SGCZ: variants seen among roughly 807,000 people sequenced by gnomAD.
The protein encoded by SGCZ is zeta-sarcoglycan.
Under a neutral mutation model 41.3 loss-of-function variants are expected in SGCZ, and 40 were observed. The observed-to-expected ratio is 0.97, with a 90% confidence interval of 0.75 to 1.26. The LOEUF is 1.26. Among genes scored for constraint, SGCZ ranks in the 50% most tolerant of loss-of-function variants. The probability of loss-of-function intolerance (pLI) is 0.00; values close to 1 mark genes in which losing one functional copy is unlikely to be tolerated. For synonymous variants in SGCZ, 206 were observed against 137.5 expected, an observed-to-expected ratio of 1.50 and a Z score of -3.49; for missense variants, 552 against 369.8, an observed-to-expected ratio of 1.49 and a Z score of -4.04.
intron 1 of SGCZ, among the ~76,000 whole-genome samples, chr8:14,897,336 C>A (rs898575528): frequency 6.6e-6 from 1 of 152,136 alleles, no homozygotes; most frequent in Non-Finnish European, 1.5e-5. Context: ...AAAGTGAAAG[C>A]ACTGCTTAAG....
chr8:14,218,125 TATA>T (rs1297781551), intron 4 of SGCZ, among the ~76,000 whole-genome samples: 1 of 152,176 alleles, frequency 6.6e-6, no homozygotes, highest in Non-Finnish European at 1.5e-5. Flanking sequence ...CCCTAGGCAG[TATA>T]ATAAGGCAAA....
At chr8:15,192,494 C>G (rs1451901040) in intron 1 of SGCZ, among the ~76,000 whole-genome samples, 1 of 152,120 alleles carries the variant, frequency 6.6e-6, no homozygotes, top group Non-Finnish European at 1.5e-5. Context: ...GTCATTGTAA[C>G]TGAGCATCAG....
At chr8:14,092,116 T>C (rs889338457) in intron 7 of SGCZ, among the ~76,000 whole-genome samples, 13 of 152,114 alleles carry the variant, frequency 8.5e-5, no homozygotes, top group African/African-American at 2.9e-4. Context: ...TTGTGAAAGT[T>C]CAGATGGTTG....
intron 3 of SGCZ, among the ~76,000 whole-genome samples, chr8:14,285,653 G>C (rs2116929937): frequency 6.6e-6 from 1 of 152,070 alleles, no homozygotes; most frequent in East Asian, 1.9e-4. Context: ...TATAAGAGAG[G>C]AAACAAAGAA....
chr8:14,134,829 C>T (rs575494928), intron 5 of SGCZ, among the ~76,000 whole-genome samples: 13 of 151,388 alleles, frequency 8.6e-5, no homozygotes, highest in Non-Finnish European at 1.8e-4. Flanking sequence ...CTGTTGTTGC[C>T]TGGCTTGTGA....
chr8:14,841,919 G>A (rs1802929455), intron 1 of SGCZ, among the ~76,000 whole-genome samples: 1 of 152,070 alleles, frequency 6.6e-6, no homozygotes, highest in African/African-American at 2.4e-5. Context: ...CTCTTCACAT[G>A]GATTTGGCTT....
intron 1 of SGCZ, among the ~76,000 whole-genome samples, chr8:15,093,785 A>C (rs1309268053): frequency 6.6e-6 from 1 of 152,228 alleles, no homozygotes; most frequent in Non-Finnish European, 1.5e-5. Context: ...AATTGACACA[A>C]GAAGTTCCAG....
chr8:14,774,697 G>T (rs1585249584), intron 1 of SGCZ, among the ~76,000 whole-genome samples: 1 of 152,192 alleles, frequency 6.6e-6, no homozygotes, highest in South Asian at 2.1e-4. Flanking sequence ...AAGTATTTAA[G>T]AAATCGCTAG....
At chr8:14,710,747 C>T (rs1163146409) in intron 1 of SGCZ, among the ~76,000 whole-genome samples, 2 of 152,044 alleles carry the variant, frequency 1.3e-5, no homozygotes, top group Non-Finnish European at 2.9e-5. Context: ...CAAAAAAATA[C>T]TAATTGTAAC....
intron 1 of SGCZ, among the ~76,000 whole-genome samples, chr8:14,631,945 G>T (rs548134795): frequency 2.0e-5 from 3 of 152,036 alleles, no homozygotes; most frequent in Admixed American, 2.0e-4. Flanking sequence ...ATATTTGTTG[G>T]GTACCACATA....
At chr8:14,489,550 A>G (rs781145179) in intron 2 of SGCZ, among the ~76,000 whole-genome samples, 8 of 152,026 alleles carry the variant, frequency 5.3e-5, no homozygotes, top group Non-Finnish European at 1.2e-4. Flanking sequence ...AAAAAGGGAG[A>G]TGGTCTGGCT....
At chr8:14,991,510 G>A (rs989089100) in intron 1 of SGCZ, among the ~76,000 whole-genome samples, 5 of 152,076 alleles carry the variant, frequency 3.3e-5, no homozygotes, top group African/African-American at 1.2e-4. Context: ...CTTCGGCCCA[G>A]CTCAACTTTC....
chr8:14,577,295 T>A (rs1804739770), intron 1 of SGCZ, among the ~76,000 whole-genome samples: 1 of 152,122 alleles, frequency 6.6e-6, no homozygotes, highest in South Asian at 2.1e-4. Flanking sequence ...AATATTTCAA[T>A]TTTTATCTGA....
At chr8:15,088,581 T>C (rs1442482222) in intron 1 of SGCZ, among the ~76,000 whole-genome samples, 1 of 144,968 alleles carries the variant, frequency 6.9e-6, no homozygotes, top group African/African-American at 2.9e-5. Flanking sequence ...GATGCTCTCA[T>C]AAACTTGACA....
At chr8:14,250,639 C>G (rs991151175) in intron 3 of SGCZ, among the ~76,000 whole-genome samples, 3 of 152,176 alleles carry the variant, frequency 2.0e-5, no homozygotes, top group African/African-American at 7.2e-5. Context: ...ACAAATACCA[C>G]TGGATTGTGT....
At chr8:15,015,543 C>T (rs760062042) in intron 1 of SGCZ, among the ~76,000 whole-genome samples, 4 of 151,386 alleles carry the variant, frequency 2.6e-5, no homozygotes, top group Admixed American at 1.3e-4. Context: ...AAAAATTAGG[C>T]GAGTGTGATG....
At chr8:14,555,013 G>C (rs1246607818) in intron 1 of SGCZ, 87 bp from the exon 2 acceptor site, 1 of 1,220,350 alleles carries the variant, frequency 8.2e-7, no homozygotes, top group Non-Finnish European at 1.1e-6. Context: ...TGAAACAAAA[G>C]AACAATGTAC....
At chr8:14,243,182 T>C (rs1229871364) in intron 3 of SGCZ, among the ~76,000 whole-genome samples, 2 of 152,224 alleles carry the variant, frequency 1.3e-5, no homozygotes. Context: ...TAGTGACCTA[T>C]TTTGTTCAGT....
chr8:15,141,627 T>G (rs988199863), intron 1 of SGCZ, among the ~76,000 whole-genome samples: 1 of 152,036 alleles, frequency 6.6e-6, no homozygotes, highest in Non-Finnish European at 1.5e-5. Flanking sequence ...ACCTCATCCA[T>G]GCACGGTGGC....
Sources: gnomAD v4.1 joint callset for allele counts (sites outside exome capture counted in the v4.1 genomes callset) on GRCh38, gnomAD v4.1.1 for gene constraint, MANE v1.5 for transcripts, NCBI Gene and HGNC (gene_info 2026-07-23, HGNC 2026-07-21) for gene names.